Variants in ZFYVE26 observed in about 807,000 individuals in gnomAD.
ZFYVE26 encodes the protein zinc finger FYVE-type containing 26.
A neutral mutation model predicts 276.5 loss-of-function variants in ZFYVE26; 181 were observed. The observed-to-expected ratio is 0.65, with a 90% CI of 0.58 to 0.74. The LOEUF is 0.74. ZFYVE26 is among the 30% of genes least tolerant of loss of function. The pLI is 0.00. For missense variants in ZFYVE26, 2,821 were observed against 3,097.9 expected, an observed-to-expected ratio of 0.91 and a Z score of 2.12; for synonymous variants, 1,129 against 1,203.1, an observed-to-expected ratio of 0.94 and a Z score of 1.27.
Position 67,729,248 on chromosome 14 carries a change from G to A in ZFYVE26, n.3251C>T, listed in dbSNP as rs1239043055. 1.2e-5 allele frequency: 19 copies of A among 1,609,880 alleles called. No homozygotes were observed. The highest frequency in any genetic ancestry group is 1.5e-5 in the Non-Finnish European group (18 of 1,180,000). On this transcript the variant is annotated non_coding_transcript_exon_variant, in exon 14 of 15. Coordinates refer to the ZFYVE26 transcript ENST00000394455. ...GGCGTCGTCCGCTCTGAGCTGGTCC[G>A]GCACTCCTCCCTGCTCTGCCTGCTC...
In ZFYVE26 at chr14:67,805,561, C is replaced by T. The variant is rs533965668; in HGVS notation, c.1075G>A (p.Asp359Asn). 1.2e-6 allele frequency: 2 copies of T among 1,614,206 alleles called. No homozygotes were observed. Among genetic ancestry groups the T allele is most frequent in the Non-Finnish European group, 1.7e-6 (2 of 1,180,044 alleles). The change falls in exon 7 of 42, where the codon GAT (aspartate) becomes AAT (asparagine). Residue 359 changes from aspartate to asparagine, a missense_variant. Coordinates refer to ENST00000347230, the MANE Select transcript of ZFYVE26 (RefSeq NM_015346.4). ...EDFPNLGCLL[D>N]REFRPLSCLL... is the part of the protein sequence containing the mutation. ...CAACTGAGGGGCCTGAATTCTCTAT[C>T]AAGTAGGCAGCCAAGATTTGGGAAG... is the stretch of plus-strand genomic sequence containing the variant.
At chr14:67,794,940 C>T (rs992003986) in intron 12 of ZFYVE26, among the ~76,000 whole-genome samples, 4 of 152,068 alleles carry the variant, frequency 2.6e-5, no homozygotes, top group African/African-American at 9.7e-5. Flanking sequence ...CAGAGCAAGA[C>T]CCTATCTGTA....
rs1269807196 is a variant in ZFYVE26, at chr14:67,778,141, A to G, written c.4782T>C (p.His1594=). 3 of 1,614,234 alleles carry G rather than the reference A, an allele frequency of 1.9e-6. No homozygotes were observed. The part of the protein sequence containing the change: ...HLLHLLERRD[H]DKALQLLRRI... ...GGGGGCTTACTTGCAGAGCCTTGTC[A>G]TGATCTCTTCTTTCTAGAAGGTGGA... The change falls in exon 24 of 42, where the codon CAT becomes CAC. Residue 1594 remains histidine, a synonymous_variant. Coordinates refer to ENST00000347230, the MANE Select transcript of ZFYVE26 (RefSeq NM_015346.4).
At chr14:67,772,807 A>C (rs559185869) in intron 27 of ZFYVE26, among the ~76,000 whole-genome samples, 1 of 152,246 alleles carries the variant, frequency 6.6e-6, no homozygotes, top group East Asian at 1.9e-4. Context: ...AAAAAAATAC[A>C]GAAGTTAGCC....
intron 10 of ZFYVE26, among the ~76,000 whole-genome samples, chr14:67,800,546 G>T (rs2140245373): frequency 6.6e-6 from 1 of 152,220 alleles, no homozygotes; most frequent in Non-Finnish European, 1.5e-5. Context: ...TGGGCTAAAT[G>T]ACTTCTTAGA....
chr14:67,816,139 GC>G, intron 1 of ZFYVE26, 93 bp from the exon 2 acceptor site: 1 of 578,354 alleles, frequency 1.7e-6, no homozygotes. Context: ...GGCGGGACTT[GC>G]TTGCCTAAGT....
At position 67,755,073 on chromosome 14, in the gene ZFYVE26, T is replaced by C. The variant is rs1269526835; in HGVS notation, c.6964A>G (p.Met2322Val). Residue 2322 changes from methionine (M) to valine (V), a missense_variant, in exon 37 of 42, where the codon ATG becomes GTG. Met to Val is a conservative substitution (Grantham distance 21, BLOSUM62 1). Transcript: ENST00000347230. ...TACCTTGACACATCAGCTGCAGTCA[T>C]CTTCTTTCTGAAGAATGTGGTTTTC... ...RKKTTFFRKK[M>V]TAADVSRHMN... is the part of the protein sequence containing the mutation. 2 of 1,614,150 alleles carry C rather than the reference T, an allele frequency of 1.2e-6. No individual in the cohort carries two copies. The highest frequency in any genetic ancestry group is 1.7e-4 in the Middle Eastern group (1 of 6,026).
intron 2 of ZFYVE26, chr14:67,815,456 C>T: frequency 5.1e-6 from 2 of 388,368 alleles, no homozygotes; most frequent in Non-Finnish European, 9.7e-6. Context: ...GCAGGGTTTG[C>T]TTTTTTGGAG....
At chr14:67,731,133 T>TA (rs1467516922) in intron 13 of ZFYVE26, among the ~76,000 whole-genome samples, 1 of 152,102 alleles carries the variant, frequency 6.6e-6, no homozygotes. Context: ...TTTTACATTT[T>TA]AAATGTAGCT....
chr14:67,775,266 G>A, intron 26 of ZFYVE26, 152 bp from the exon 27 acceptor site: 1 of 581,836 alleles, frequency 1.7e-6, no homozygotes, highest in East Asian at 2.9e-5. Flanking sequence ...GTACCTCTAA[G>A]CCCATAGCAC....
chr14:67,767,338 T>A (rs2039085683), intron 31 of ZFYVE26, among the ~76,000 whole-genome samples: 1 of 152,152 alleles, frequency 6.6e-6, no homozygotes, highest in Admixed American at 6.5e-5. Flanking sequence ...GAGCTTCCAC[T>A]TCTCCAATCA....
chr14:67,799,014 GAA>G, intron 10 of ZFYVE26: 1 of 1,156,056 alleles, frequency 8.7e-7, no homozygotes, highest in Non-Finnish European at 1.3e-6. Context: ...CAGATCCTGG[GAA>G]AAGTCTATTC....
intron 24 of ZFYVE26, 53 bp downstream of exon 24, chr14:67,778,073 A>T: frequency 6.2e-7 from 1 of 1,612,796 alleles, no homozygotes; most frequent in Non-Finnish European, 8.5e-7. Flanking sequence ...ATCTGATTTG[A>T]CTAAACTTCT....
chr14:67,749,637 T>C (rs1211329193), intron 41 of ZFYVE26, among the ~76,000 whole-genome samples: 1 of 152,140 alleles, frequency 6.6e-6, no homozygotes, highest in African/African-American at 2.4e-5. Context: ...TGTTATTTGT[T>C]TTGGTCACTA....
chr14:67,798,673 T>G, intron 10 of ZFYVE26, 51 bp from the exon 11 acceptor site: 37 of 1,528,136 alleles, frequency 2.4e-5, no homozygotes, highest in Non-Finnish European at 3.1e-5. Flanking sequence ...AGACAGAGAA[T>G]GCAAACATTA....
downstream of ZFYVE26, chr14:67,746,426 G>C (rs1242424947): frequency 2.4e-5 from 3 of 127,578 alleles, no homozygotes; most frequent in Admixed American, 1.8e-4. Flanking sequence ...TGAATTGAAG[G>C]CCATCTGATC....
At position 67,732,717 on chromosome 14, in the gene ZFYVE26, C is replaced by T. The variant is rs150704239; in HGVS notation, n.2680-2898G>A. 4.4e-3 allele frequency among the ~76,000 whole-genome samples: 669 copies of T among 152,132 alleles called. 35 individuals carry two copies. In the East Asian group the frequency reaches 0.1, roughly 23 times the overall value. On this transcript the variant is annotated intron_variant and non_coding_transcript_variant, in intron 13 of 14. Coordinates refer to the ZFYVE26 transcript ENST00000394455. ...TCAGCCTCCCAAGTAGCTGGGATTA[C>T]GGGTGCCCACCACCACACCCGGCTA...
intron 27 of ZFYVE26, 44 bp downstream of exon 27, chr14:67,774,972 A>G: frequency 6.9e-7 from 1 of 1,448,800 alleles, no homozygotes; most frequent in Non-Finnish European, 9.6e-7. Context: ...ATAAGGCAAG[A>G]CTAAACTGAA....
At chr14:67,740,128 C>T (rs1404744509) in intron 13 of ZFYVE26, among the ~76,000 whole-genome samples, 1 of 152,150 alleles carries the variant, frequency 6.6e-6, no homozygotes, top group Non-Finnish European at 1.5e-5. Context: ...TCCAGCTATT[C>T]CATTTCTGGG....
Sources: allele counts gnomAD v4.1 joint callset (sites outside exome capture counted in the v4.1 genomes callset), GRCh38; gene constraint gnomAD v4.1.1; transcripts MANE v1.5; gene names NCBI Gene and HGNC (gene_info 2026-07-23, HGNC 2026-07-21).